Variants in CTBP2 observed in about 807,000 individuals in gnomAD.
CTBP2 encodes C-terminal binding protein 2.
A neutral mutation model predicts 80.3 loss-of-function variants in CTBP2; 30 were observed. The observed-to-expected ratio is 0.37, with a 90% CI of 0.28 to 0.51. CTBP2 has a LOEUF of 0.51. Ranked by LOEUF, CTBP2 falls within the 20% of genes least tolerant of loss-of-function variation. CTBP2 has a pLI of 0.93. For synonymous variants in CTBP2, 594 were observed against 587.4 expected, an observed-to-expected ratio of 1.01 and a Z score of -0.16; for missense variants, 1,212 against 1,375.3, an observed-to-expected ratio of 0.88 and a Z score of 1.88.
intron 1 of CTBP2, among the ~76,000 whole-genome samples, chr10:125,024,819 C>T (rs1957383551): frequency 2.6e-5 from 4 of 152,220 alleles, no homozygotes; most frequent in South Asian, 4.2e-4. Flanking sequence ...TCCCTCCTGC[C>T]GCACATGTAT....
At chr10:124,997,018 AC>A (rs1212220897) in intron 4 of CTBP2, 2 of 152,362 alleles carry the variant, frequency 1.3e-5, no homozygotes, top group South Asian at 2.1e-4. Context: ...TTCAAGTGGC[AC>A]CCCAGGTCCA....
Position 125,027,694 on chromosome 10 carries a change from G to A in CTBP2, c.66C>T (p.Tyr22=), listed in dbSNP as rs752644812. 1.4e-5 allele frequency: 23 copies of A among 1,613,706 alleles called. No homozygotes were observed. In the South Asian group the frequency reaches 1.8e-4, roughly 12 times the overall value. The stretch of plus-strand genomic sequence containing the variant: ...ACTCGGCGTTCTCCCAGGGGCCCTC[G>A]TACCACCCAGCAGCATCCCAGCTCT... Residue 22 remains tyrosine (Y), a synonymous_variant, in exon 1 of 9, where the codon TAC becomes TAT. Coordinates refer to ENST00000309035, the MANE Select transcript of CTBP2 (RefSeq NM_022802.3).
chr10:125,017,840 C>T (rs1248325007), intron 1 of CTBP2, among the ~76,000 whole-genome samples: 4 of 152,136 alleles, frequency 2.6e-5, no homozygotes, highest in East Asian at 1.9e-4. Context: ...CACACAGCTC[C>T]GGTGTGATGC....
intron 1 of CTBP2, among the ~76,000 whole-genome samples, chr10:125,126,479 C>A (rs562756075): frequency 6.6e-6 from 1 of 152,270 alleles, no homozygotes; most frequent in African/African-American, 2.4e-5. Context: ...AAATGCCATC[C>A]GCAAGGCCAG....
intron 2 of CTBP2, among the ~76,000 whole-genome samples, chr10:125,044,646 T>C (rs777402505): frequency 1.6e-4 from 25 of 152,198 alleles, no homozygotes; most frequent in Admixed American, 4.6e-4. Context: ...CGTGTGCCTC[T>C]AGTCTCCCTC....
At chr10:125,048,757 C>T (rs925284949) in intron 2 of CTBP2, among the ~76,000 whole-genome samples, 26 of 152,158 alleles carry the variant, frequency 1.7e-4, no homozygotes, top group South Asian at 4.1e-4. Context: ...ACAGAGAGGA[C>T]GGTGCTGGGG....
chr10:125,146,522 A>T (rs999012792), intron 1 of CTBP2, among the ~76,000 whole-genome samples: 1 of 152,166 alleles, frequency 6.6e-6, no homozygotes, highest in Non-Finnish European at 1.5e-5. Flanking sequence ...ATCTTAGGTG[A>T]TCCACCTGCC....
intron 2 of CTBP2, among the ~76,000 whole-genome samples, chr10:125,110,420 G>T (rs1256570859): frequency 6.6e-6 from 1 of 152,150 alleles, no homozygotes; most frequent in African/African-American, 2.4e-5. Flanking sequence ...CAATGAGTGT[G>T]GTAGGGATTG....
chr10:124,998,233 G>C, intron 3 of CTBP2, 63 bp from the exon 6 acceptor site: 1 of 1,533,864 alleles, frequency 6.5e-7, no homozygotes, highest in African/African-American at 1.4e-5. Context: ...GAAGCCCCAG[G>C]GCTCCCAGCC....
At chr10:125,022,904 C>A (rs545692239) in intron 1 of CTBP2, among the ~76,000 whole-genome samples, 162 of 152,374 alleles carry the variant, frequency 1.1e-3, no homozygotes, top group South Asian at 1.9e-3. Context: ...GAGGACTCAG[C>A]AGCAGGGGTG....
chr10:125,000,729 G>A (rs1954351005), intron 3 of CTBP2: 1 of 152,266 alleles, frequency 6.6e-6, no homozygotes, highest in Non-Finnish European at 1.5e-5. Flanking sequence ...CGTGCAACAT[G>A]GAGGGCCTTG....
chr10:125,028,183 G>A (rs1957850858), upstream of CTBP2, among the ~76,000 whole-genome samples: 1 of 152,140 alleles, frequency 6.6e-6, no homozygotes, highest in East Asian at 1.9e-4. Flanking sequence ...GCTCTATCCA[G>A]CCCTCCCAAG....
intron 2 of CTBP2, chr10:125,100,607 T>C (rs1463781276): frequency 6.6e-6 from 1 of 152,206 alleles, no homozygotes; most frequent in Non-Finnish European, 1.5e-5. Flanking sequence ...ATTCTAAGCA[T>C]GTCTTTATTT....
intron 1 of CTBP2, among the ~76,000 whole-genome samples, chr10:125,023,402 G>A (rs553364781): frequency 3.9e-5 from 6 of 152,334 alleles, no homozygotes; most frequent in East Asian, 1.9e-4. Context: ...CCATTCGTTC[G>A]TTGTTTCTGA....
chr10:125,004,313 T>C (rs1309204461), intron 1 of CTBP2, among the ~76,000 whole-genome samples: 2 of 152,200 alleles, frequency 1.3e-5, no homozygotes. Context: ...TTGCGCCCCG[T>C]GCACATACAG....
chr10:125,019,126 CT>C (rs747432941), intron 1 of CTBP2, among the ~76,000 whole-genome samples: 8 of 152,220 alleles, frequency 5.3e-5, no homozygotes, highest in Non-Finnish European at 8.8e-5. Flanking sequence ...CAGTTCCTCC[CT>C]CCCACTGGAG....
intron 1 of CTBP2, chr10:125,025,996 G>A: frequency 2.7e-6 from 4 of 1,489,894 alleles, no homozygotes; most frequent in Non-Finnish European, 3.6e-6. Context: ...GTGAGGACTT[G>A]CCATCCTATG....
At chr10:125,148,910 C>G (rs1268552073) in intron 1 of CTBP2, among the ~76,000 whole-genome samples, 1 of 152,222 alleles carries the variant, frequency 6.6e-6, no homozygotes, top group African/African-American at 2.4e-5. Flanking sequence ...GAAAAAGAAT[C>G]CTCAACCCTG....
At chr10:125,013,456 T>C (rs1844510859) in intron 1 of CTBP2, among the ~76,000 whole-genome samples, 1 of 152,218 alleles carries the variant, frequency 6.6e-6, no homozygotes, top group South Asian at 2.1e-4. Flanking sequence ...TGGTTTTCAA[T>C]ACTTTATTGC....
Sources: allele counts gnomAD v4.1 joint callset (sites outside exome capture counted in the v4.1 genomes callset), GRCh38; gene constraint gnomAD v4.1.1; transcripts MANE v1.5; gene names NCBI Gene and HGNC (gene_info 2026-07-23, HGNC 2026-07-21).